The following ZBTB20 variants were observed in gnomAD, a reference collection of about 807,000 sequenced individuals.
ZBTB20 encodes zinc finger and BTB domain containing 20, also known as zinc finger and BTB domain-containing protein 20.
A neutral mutation model predicts 56.9 loss-of-function variants in ZBTB20; 9 were observed. The ratio of observed to expected loss-of-function variants is 0.16; its 90% CI spans 0.10 to 0.28. The LOEUF (loss-of-function observed/expected upper bound fraction) is 0.28. ZBTB20 is among the 10% of genes least tolerant of loss of function. ZBTB20 has a pLI of 1.00. For synonymous variants in ZBTB20, 417 were observed against 420.7 expected, an observed-to-expected ratio of 0.99 and a Z score of 0.11; for missense variants, 655 against 1,003.0, an observed-to-expected ratio of 0.65 and a Z score of 4.69.
intron 7 of ZBTB20, among the ~76,000 whole-genome samples, chr3:114,467,814 AT>A (rs2092611204): frequency 6.6e-6 from 1 of 152,218 alleles, no homozygotes; most frequent in African/African-American, 2.4e-5. Flanking sequence ...CTTGGTGGGA[AT>A]GTGAATTTAT....
At chr3:115,021,895 T>G (rs16823455) in intron 2 of ZBTB20, among the ~76,000 whole-genome samples, 4,567 of 150,840 alleles carry the variant, frequency 0.03, 82 homozygotes, top group South Asian at 0.039. Context: ...AATGGAGACA[T>G]TTTGAAAGTG....
At chr3:114,978,667 G>GT (rs5851940) in intron 2 of ZBTB20, among the ~76,000 whole-genome samples, 1 of 149,516 alleles carries the variant, frequency 6.7e-6, no homozygotes, top group South Asian at 2.1e-4. Flanking sequence ...GTATGTACCA[G>GT]GTGTGTGTGT....
At chr3:114,749,092 G>A (rs2108639013) in intron 5 of ZBTB20, among the ~76,000 whole-genome samples, 1 of 152,302 alleles carries the variant, frequency 6.6e-6, no homozygotes, top group African/African-American at 2.4e-5. Flanking sequence ...TTAAGTTGTA[G>A]TTTCTTCAAA....
intron 6 of ZBTB20, among the ~76,000 whole-genome samples, chr3:114,665,114 C>T (rs1319201892): frequency 2.0e-5 from 3 of 151,976 alleles, no homozygotes; most frequent in African/African-American, 7.2e-5. Context: ...CAGTCGTTTG[C>T]CGTGTAATGA....
chr3:114,981,214 A>G, intron 2 of ZBTB20, among the ~76,000 whole-genome samples: 1 of 152,080 alleles, frequency 6.6e-6, no homozygotes, highest in South Asian at 2.1e-4. Flanking sequence ...ATAACTAGAC[A>G]TAGGAGATTG....
At chr3:114,659,773 C>A (rs1041622081) in intron 6 of ZBTB20, among the ~76,000 whole-genome samples, 4 of 152,078 alleles carry the variant, frequency 2.6e-5, no homozygotes, top group African/African-American at 9.7e-5. Context: ...CAAAATAATT[C>A]ATAAAGGAAA....
At chr3:114,977,073 CA>C (rs2078132645) in intron 2 of ZBTB20, among the ~76,000 whole-genome samples, 1 of 151,448 alleles carries the variant, frequency 6.6e-6, no homozygotes. Flanking sequence ...TCATAGATAA[CA>C]AAAGAATAAG....
intron 6 of ZBTB20, among the ~76,000 whole-genome samples, chr3:114,663,018 G>C (rs1446162621): frequency 6.0e-5 from 9 of 150,362 alleles, no homozygotes; most frequent in African/African-American, 2.0e-4. Flanking sequence ...CCAACGTTCA[G>C]ATTCAGGAAA....
chr3:114,491,396 C>T (rs900611865), intron 7 of ZBTB20, among the ~76,000 whole-genome samples: 53 of 152,308 alleles, frequency 3.5e-4, no homozygotes, highest in Middle Eastern at 6.8e-3. Context: ...GTCTCAAGAA[C>T]GATTTCAAAT....
chr3:114,682,342 G>A (rs768659238), intron 6 of ZBTB20, among the ~76,000 whole-genome samples: 4 of 152,068 alleles, frequency 2.6e-5, no homozygotes, highest in South Asian at 2.1e-4. Flanking sequence ...TTTATGCTAC[G>A]CACAGAATTC....
intron 7 of ZBTB20, among the ~76,000 whole-genome samples, chr3:114,415,763 C>T (rs1005326822): frequency 5.9e-4 from 89 of 152,028 alleles, no homozygotes; most frequent in African/African-American, 1.9e-3. Context: ...AACTCCTGGG[C>T]GAAATAACTT....
At chr3:114,913,929 C>T (rs1286508718) in intron 3 of ZBTB20, among the ~76,000 whole-genome samples, 1 of 151,872 alleles carries the variant, frequency 6.6e-6, no homozygotes, top group Non-Finnish European at 1.5e-5. Context: ...CTATTCTGTT[C>T]CATTGCTATA....
chr3:114,319,148 GT>G lies in ZBTB20; in HGVS notation c.*19856del, dbSNP rs574460424. On this transcript the variant is annotated 3_prime_UTR_variant, in exon 12 of 12. Coordinates refer to ENST00000675478, the MANE Select transcript of ZBTB20 (RefSeq NM_001348800.3). ...TCCTTAAGGGCAAACTTTTCGATTA[GT>G]TTTTTTCTTTTTTTTTTTTTAAATA... The G allele has an allele frequency of 2.8e-4, 42 of 148,404 alleles. 1 individual carries two copies. The highest frequency in any genetic ancestry group is 9.2e-4 in the African/African-American group (37 of 40,344). 9.2% of individuals were successfully genotyped at this position (148,404 alleles called of 1,614,324 possible).
chr3:115,141,952 T>C (rs1034356614), intron 1 of ZBTB20, among the ~76,000 whole-genome samples: 4 of 152,228 alleles, frequency 2.6e-5, no homozygotes, highest in Non-Finnish European at 4.4e-5. Context: ...CTCAACTATC[T>C]TAGGTGGATA....
intron 6 of ZBTB20, among the ~76,000 whole-genome samples, chr3:114,513,986 G>A (rs143496094): frequency 9.2e-5 from 14 of 151,936 alleles, no homozygotes; most frequent in Admixed American, 6.6e-4. Flanking sequence ...ATGTATGTAT[G>A]TGTTTATGTA....
intron 2 of ZBTB20, among the ~76,000 whole-genome samples, chr3:115,045,194 A>C (rs919018689): frequency 2.0e-5 from 3 of 152,196 alleles, no homozygotes; most frequent in African/African-American, 7.2e-5. Flanking sequence ...AATCCCATTC[A>C]TTAAATTAGT....
At chr3:114,392,594 T>C (rs911144839) in intron 7 of ZBTB20, among the ~76,000 whole-genome samples, 1 of 152,238 alleles carries the variant, frequency 6.6e-6, no homozygotes, top group South Asian at 2.1e-4. Flanking sequence ...AAACAAACTA[T>C]TGGCAATCTG....
intron 3 of ZBTB20, among the ~76,000 whole-genome samples, chr3:114,904,910 A>G (rs542144484): frequency 2.6e-5 from 4 of 152,150 alleles, no homozygotes; most frequent in South Asian, 2.1e-4. Flanking sequence ...ACCTTAGGTC[A>G]GATAAGCTGT....
intron 7 of ZBTB20, among the ~76,000 whole-genome samples, chr3:114,444,295 G>C (rs1292297873): frequency 6.6e-6 from 1 of 152,120 alleles, no homozygotes; most frequent in Admixed American, 6.6e-5. Flanking sequence ...AAAAATGTGA[G>C]ATACAAGGCT....
Sources: allele counts gnomAD v4.1 joint callset (sites outside exome capture counted in the v4.1 genomes callset), GRCh38; gene constraint gnomAD v4.1.1; transcripts MANE v1.5; gene names NCBI Gene and HGNC (gene_info 2026-07-23, HGNC 2026-07-21).